Variants in NLGN4X observed in about 807,000 individuals in gnomAD.
NLGN4X encodes the protein neuroligin-4, X-linked.
NLGN4X carries 3 observed loss-of-function variants against 40.3 expected under a neutral mutation model. The ratio of observed to expected loss-of-function variants is 0.07; its 90% confidence interval spans 0.03 to 0.19. The LOEUF is 0.19. Among genes scored for constraint, NLGN4X ranks in the 10% least tolerant of loss-of-function variants. NLGN4X has a pLI of 1.00. For synonymous variants in NLGN4X, 270 were observed against 306.8 expected (o/e 0.88, Z 1.25); for missense variants, 382 against 708.3 (o/e 0.54, Z 5.23).
At chrX:5,970,452 T>G (rs760301419) in intron 3 of NLGN4X, among the ~76,000 whole-genome samples, 1 of 112,191 alleles carries the variant, frequency 8.9e-6, no homozygotes, top group Non-Finnish European at 1.9e-5. Flanking sequence ...GACTTAGAAT[T>G]CCTCATTTAG....
chrX:6,095,969 A>C (rs1239220048), intron 2 of NLGN4X, among the ~76,000 whole-genome samples: 2 of 112,376 alleles, frequency 1.8e-5, no homozygotes, highest in African/African-American at 6.5e-5. Context: ...AATGGTTTGG[A>C]GTATCAGGGC....
At chrX:5,898,311 C>T (rs1216520797) in intron 5 of NLGN4X, among the ~76,000 whole-genome samples, 1 of 101,425 alleles carries the variant, frequency 9.9e-6, no homozygotes, top group Non-Finnish European at 2.0e-5. Flanking sequence ...TTCCTCCCTC[C>T]CTCCCTCCTT....
intron 1 of NLGN4X, among the ~76,000 whole-genome samples, chrX:6,192,665 C>T (rs1436712364): frequency 3.6e-5 from 4 of 111,302 alleles, no homozygotes; most frequent in Non-Finnish European, 5.7e-5. Flanking sequence ...AAGGGGCCTG[C>T]GTAACAGCAG....
At chrX:6,045,400 T>C (rs2037292349) in intron 2 of NLGN4X, among the ~76,000 whole-genome samples, 1 of 112,172 alleles carries the variant, frequency 8.9e-6, no homozygotes, top group Non-Finnish European at 1.9e-5. Context: ...TAAAAGTTAC[T>C]TGTAAAGAAT....
intron 2 of NLGN4X, among the ~76,000 whole-genome samples, chrX:6,082,519 T>C (rs1337065977): frequency 1.8e-5 from 2 of 111,268 alleles, no homozygotes; most frequent in Non-Finnish European, 3.8e-5. Context: ...CCAGCCTGGG[T>C]GACAGACTGA....
At chrX:6,116,776 C>T (rs1351929019) in intron 2 of NLGN4X, among the ~76,000 whole-genome samples, 1 of 110,678 alleles carries the variant, frequency 9.0e-6, no homozygotes, top group Admixed American at 9.6e-5. Flanking sequence ...GTGATCCGCC[C>T]GTCTCAGCCT....
chrX:5,959,835 T>C (rs939911844), intron 3 of NLGN4X, among the ~76,000 whole-genome samples: 1 of 111,258 alleles, frequency 9.0e-6, no homozygotes, highest in Non-Finnish European at 1.9e-5. Flanking sequence ...GCTGTTTGTT[T>C]TGGTTATGAT....
chrX:6,119,060 G>A (rs780956808), intron 2 of NLGN4X, among the ~76,000 whole-genome samples: 8 of 111,582 alleles, frequency 7.2e-5, no homozygotes, highest in Non-Finnish European at 1.1e-4. Flanking sequence ...ATTTTTCTTC[G>A]TAGCAGGAAT....
chrX:6,064,892 G>T (rs1379744142), intron 2 of NLGN4X, among the ~76,000 whole-genome samples: 1 of 111,069 alleles, frequency 9.0e-6, no homozygotes, highest in Non-Finnish European at 1.9e-5. Flanking sequence ...ACTGGATAAA[G>T]AAAATGTGGT....
intron 3 of NLGN4X, among the ~76,000 whole-genome samples, chrX:5,925,879 C>CATATATATATATAT (rs2033268045): frequency 2.1e-5 from 1 of 46,802 alleles, no homozygotes; most frequent in African/African-American, 7.0e-5. Context: ...TATACATACA[C>CATATATATATATAT]ACATATATAT....
At chrX:6,102,639 GATAT>G (rs1211728052) in intron 2 of NLGN4X, among the ~76,000 whole-genome samples, 1 of 61,519 alleles carries the variant, frequency 1.6e-5, no homozygotes, top group Non-Finnish European at 3.2e-5. Context: ...AGGATTGATA[GATAT>G]ATACATACAT....
At chrX:5,936,957 G>A (rs1227851685) in intron 3 of NLGN4X, among the ~76,000 whole-genome samples, 1 of 111,756 alleles carries the variant, frequency 8.9e-6, no homozygotes, top group Non-Finnish European at 1.9e-5. Flanking sequence ...AAAAGGGCGA[G>A]ATGTTTAATT....
At chrX:6,121,149 T>TACACACACAC (rs35061904) in intron 2 of NLGN4X, among the ~76,000 whole-genome samples, 21 of 102,515 alleles carry the variant, frequency 2.0e-4, no homozygotes, top group South Asian at 1.9e-3. Flanking sequence ...TATATATACA[T>TACACACACAC]ACACACACAC....
intron 4 of NLGN4X, among the ~76,000 whole-genome samples, chrX:5,907,434 G>A (rs1039122434): frequency 1.8e-5 from 2 of 111,729 alleles, no homozygotes; most frequent in African/African-American, 6.5e-5. Context: ...GAAAGCCTCA[G>A]GCACTCCAGC....
At chrX:6,204,113 A>C (rs778215568) in intron 1 of NLGN4X, among the ~76,000 whole-genome samples, 6 of 112,509 alleles carry the variant, frequency 5.3e-5, no homozygotes, top group African/African-American at 1.6e-4. Flanking sequence ...ATGTCAGTAC[A>C]TAGTTATCAA....
rs1569164821 is a variant in NLGN4X, at chrX:5,978,312, CTTT to C, written c.625+50965_625+50967del. 9.1e-3 allele frequency among the ~76,000 whole-genome samples: 847 copies of C among 92,626 alleles called. 16 individuals carry two copies. Among genetic ancestry groups the C allele is most frequent in the South Asian group, 0.024 (45 of 1,885 alleles). 80.4% of individuals were successfully genotyped at this position (92,626 alleles called of 115,157 possible). On this transcript the variant is annotated intron_variant, in intron 3 of 5. Coordinates refer to ENST00000381095, the MANE Select transcript of NLGN4X (RefSeq NM_181332.3). ...TCTTTCTTTCTTTCTTTCTTTCTTT[CTTT>C]CTTTCTTTCTTTCTTTCTTTCTTTC...
intron 3 of NLGN4X, among the ~76,000 whole-genome samples, chrX:6,027,009 C>T (rs1176240606): frequency 9.0e-6 from 1 of 111,565 alleles, no homozygotes; most frequent in East Asian, 2.8e-4. Flanking sequence ...TCTTATCAGA[C>T]ACATCAATTC....
chrX:5,982,713 C>G (rs1421955661), intron 3 of NLGN4X, among the ~76,000 whole-genome samples: 1 of 111,374 alleles, frequency 9.0e-6, no homozygotes, highest in East Asian at 2.8e-4. Context: ...TAAAAAGTGG[C>G]CAGGCGTAGT....
chrX:6,048,176 A>G (rs2147281377), intron 2 of NLGN4X, among the ~76,000 whole-genome samples: 1 of 112,048 alleles, frequency 8.9e-6, no homozygotes, highest in South Asian at 3.7e-4. Context: ...CACTCACCTT[A>G]GAACTCTCTG....
Sources: gnomAD v4.1 joint callset for allele counts (sites outside exome capture counted in the v4.1 genomes callset) on GRCh38, gnomAD v4.1.1 for gene constraint, MANE v1.5 for transcripts, NCBI Gene and HGNC (gene_info 2026-07-23, HGNC 2026-07-21) for gene names.